PHKB: variants seen among roughly 807,000 people sequenced by gnomAD.
PHKB encodes phosphorylase kinase regulatory subunit beta.
A neutral mutation model predicts 152.1 loss-of-function variants in PHKB; 122 were observed. That is an observed-to-expected ratio of 0.80 (90% CI 0.69 to 0.93). PHKB has a LOEUF of 0.93. Ranked by LOEUF, PHKB falls within the 40% of genes least tolerant of loss-of-function variation. The pLI, the probability that PHKB is intolerant of heterozygous loss-of-function variation, is 0.00. For synonymous variants in PHKB, 436 were observed against 464.9 expected, an observed-to-expected ratio of 0.94 and a Z score of 0.80; for missense variants, 1,304 against 1,328.4, an observed-to-expected ratio of 0.98 and a Z score of 0.29.
chr16:47,599,024 C>A (rs913377039), intron 13 of PHKB: 4 of 740,378 alleles, frequency 5.4e-6, no homozygotes, highest in South Asian at 1.7e-5. Context: ...ACGATTCGAT[C>A]AACACATGAA....
chr16:47,682,256 G>A (rs959818987), intron 26 of PHKB, among the ~76,000 whole-genome samples: 6 of 152,158 alleles, frequency 3.9e-5, no homozygotes, highest in South Asian at 2.1e-4. Context: ...TGCTCTTCTC[G>A]AGGAGTATCT....
At chr16:47,473,763 A>G (rs890314358) in intron 1 of PHKB, among the ~76,000 whole-genome samples, 3 of 152,336 alleles carry the variant, frequency 2.0e-5, no homozygotes, top group Middle Eastern at 3.4e-3. Context: ...GTAATTGTAT[A>G]TATTTACAGG....
At chr16:47,518,521 A>C (rs559560827) in intron 6 of PHKB, among the ~76,000 whole-genome samples, 13 of 152,142 alleles carry the variant, frequency 8.5e-5, no homozygotes, top group Non-Finnish European at 1.5e-4. Flanking sequence ...TTTGCTGCAG[A>C]ATGTATTTTC....
At chr16:47,690,119 A>G (rs1227220411) in intron 27 of PHKB, among the ~76,000 whole-genome samples, 1 of 152,218 alleles carries the variant, frequency 6.6e-6, no homozygotes, top group Non-Finnish European at 1.5e-5. Flanking sequence ...TAGAAAGTCC[A>G]GAAATAGACC....
At chr16:47,471,924 C>T (rs1403698223) in intron 1 of PHKB, among the ~76,000 whole-genome samples, 2 of 152,082 alleles carry the variant, frequency 1.3e-5, no homozygotes, top group Admixed American at 6.5e-5. Context: ...GGTATGGTGG[C>T]GGGCGCCTGT....
At chr16:47,674,690 C>T (rs566209599) in intron 26 of PHKB, among the ~76,000 whole-genome samples, 1 of 152,274 alleles carries the variant, frequency 6.6e-6, no homozygotes, top group East Asian at 1.9e-4. Context: ...AAGACTAACC[C>T]GTCTTTGTAG....
At chr16:47,585,308 A>G (rs1971916906) in intron 8 of PHKB, among the ~76,000 whole-genome samples, 1 of 152,226 alleles carries the variant, frequency 6.6e-6, no homozygotes, top group African/African-American at 2.4e-5. Flanking sequence ...TCCTATCCTT[A>G]ATTGGGGAAA....
At chr16:47,687,587 A>T (rs1042921557) in intron 26 of PHKB, among the ~76,000 whole-genome samples, 7 of 152,224 alleles carry the variant, frequency 4.6e-5, no homozygotes, top group African/African-American at 1.7e-4. Context: ...CTTCATCTTT[A>T]TTGCTCTTAC....
In PHKB at chr16:47,699,647, C is replaced by T. The variant is rs1007048568; in HGVS notation, c.*281C>T. The T allele has an allele frequency of 8.6e-5, 39 of 452,152 alleles. No individual in the cohort carries two copies. The highest frequency in any genetic ancestry group is 6.5e-5 in the Non-Finnish European group (16 of 244,818). The allele number at this position is 452,152 out of a possible 1,614,324, so 28.0% of individuals were successfully genotyped here. A position where few individuals can be genotyped will look rare whatever the true frequency, so the allele number is the denominator to read the frequency against. On this transcript the variant is annotated 3_prime_UTR_variant, in exon 31 of 31. Transcript: ENST00000323584. ...TAGTTTATGAATTGAAAATTTGCCGCTGCATGTTGTATGATCAAATAGTTC... is the reference window on the plus strand; with the variant it reads ...TAGTTTATGAATTGAAAATTTGCCGTTGCATGTTGTATGATCAAATAGTTC...
rs957440732 is a variant in PHKB, at chr16:47,696,913, TAA to T, written c.3003+426_3003+427del. ...GTTTAGAAAATTATAGAAAAGAATA[TAA>T]GTTTCCCCCACACTCACTAGCAAGA... On this transcript the variant is annotated intron_variant, in intron 29 of 30. Transcript: ENST00000323584. Among the ~76,000 whole-genome samples, 11 of 152,332 alleles carry T rather than the reference TAA, an allele frequency of 7.2e-5. No individual in the cohort carries two copies. The East Asian group carries it at 1.5e-3, about 21-fold the overall frequency.
chr16:47,567,920 C>T (rs778170106), intron 7 of PHKB, among the ~76,000 whole-genome samples: 1 of 151,992 alleles, frequency 6.6e-6, no homozygotes, highest in Non-Finnish European at 1.5e-5. Flanking sequence ...CTTTTCAACG[C>T]GCTGTTGGAT....
chr16:47,511,749 T>C lies in PHKB; in HGVS notation c.490T>C (p.Tyr164His). ...GCATACAGGAGATGAGTTGCTTTCC[T>C]ATGAGGAATATGGTCATCTTCAGGT... ...NVHTGDELLS[Y>H]EEYGHLQINA... The change falls in exon 5 of 31, where the codon TAT becomes CAT. Residue 164 changes from tyrosine to histidine, a missense_variant. Physicochemically the swap from Tyr to His is moderately conservative, Grantham distance 83. Coordinates refer to ENST00000323584, the MANE Select transcript of PHKB (RefSeq NM_000293.3). 1 of 1,590,674 alleles carries C rather than the reference T, an allele frequency of 6.3e-7. No homozygotes were observed. Among genetic ancestry groups the C allele is most frequent in the Non-Finnish European group, 8.6e-7 (1 of 1,158,636 alleles).
At chr16:47,654,760 C>T (rs778230538) in intron 20 of PHKB, among the ~76,000 whole-genome samples, 6 of 142,724 alleles carry the variant, frequency 4.2e-5, no homozygotes, top group Non-Finnish European at 9.0e-5. Flanking sequence ...AATGAGAACA[C>T]TTGGACACAG....
chr16:47,495,410 A>G (rs1401469515), intron 1 of PHKB, among the ~76,000 whole-genome samples: 2 of 152,092 alleles, frequency 1.3e-5, no homozygotes, highest in African/African-American at 4.8e-5. Flanking sequence ...TTTAATTTTA[A>G]TGGAATTATA....
At chr16:47,686,639 A>T (rs1973970523) in intron 26 of PHKB, among the ~76,000 whole-genome samples, 1 of 152,196 alleles carries the variant, frequency 6.6e-6, no homozygotes, top group African/African-American at 2.4e-5. Flanking sequence ...GCTTTTCATT[A>T]TGAAGAATTT....
intron 23 of PHKB, among the ~76,000 whole-genome samples, chr16:47,662,719 T>A (rs1480931374): frequency 6.6e-6 from 1 of 152,208 alleles, no homozygotes; most frequent in Admixed American, 6.5e-5. Context: ...GAATCTTGCA[T>A]GTTTCTAATT....
chr16:47,517,063 A>G (rs1310475950), intron 6 of PHKB, among the ~76,000 whole-genome samples: 1 of 152,112 alleles, frequency 6.6e-6, no homozygotes, highest in Admixed American at 6.5e-5. Flanking sequence ...TAAAACAAAT[A>G]AAAGAAGCAT....
chr16:47,507,154 T>G (rs1970434013), intron 4 of PHKB, among the ~76,000 whole-genome samples: 1 of 152,112 alleles, frequency 6.6e-6, no homozygotes, highest in Non-Finnish European at 1.5e-5. Context: ...TTGTATTTTT[T>G]GTAGAGACAG....
At chr16:47,505,090 G>A (rs1970390083) in intron 4 of PHKB, among the ~76,000 whole-genome samples, 1 of 152,178 alleles carries the variant, frequency 6.6e-6, no homozygotes, top group East Asian at 1.9e-4. Flanking sequence ...TCTCAGGATG[G>A]CTGGCACTCT....
Sources: allele counts gnomAD v4.1 joint callset (sites outside exome capture counted in the v4.1 genomes callset), GRCh38; gene constraint gnomAD v4.1.1; transcripts MANE v1.5; gene names NCBI Gene and HGNC (gene_info 2026-07-23, HGNC 2026-07-21).